The following AKAP13 variants were observed in gnomAD, a reference collection of about 807,000 sequenced individuals.
AKAP13 encodes A-kinase anchor protein 13.
In AKAP13, 80 loss-of-function variants were observed where a neutral mutation model predicts 264.5. That is an observed-to-expected ratio of 0.30 (90% CI 0.25 to 0.36). AKAP13 has a LOEUF of 0.36. Among genes scored for constraint, AKAP13 ranks in the 10% least tolerant of loss-of-function variants. The probability of loss-of-function intolerance (pLI) is 1.00; values close to 1 mark genes in which losing one functional copy is unlikely to be tolerated. For synonymous variants in AKAP13, 1,380 were observed against 1,250.2 expected, an observed-to-expected ratio of 1.10 and a Z score of -2.19; for missense variants, 3,712 against 3,435.2, an observed-to-expected ratio of 1.08 and a Z score of -2.01.
In AKAP13 at chr15:85,747,121, C is replaced by G. The variant is rs1026856202; in HGVS notation, c.*2444C>G. 1 of 152,204 alleles carries G rather than the reference C, an allele frequency of 6.6e-6. No individual in the cohort carries two copies. Among genetic ancestry groups the G allele is most frequent in the Admixed American group, 6.5e-5 (1 of 15,284 alleles). The allele number at this position is 152,204 out of a possible 1,614,324, so 9.4% of individuals were successfully genotyped here. On this transcript the variant is annotated 3_prime_UTR_variant, in exon 37 of 37. Transcript: ENST00000394518. ...GGTTCTGGTTGGACAAGTTTAAAAT[C>G]AAAGTAGTGCCCGGAATTCCCTCAA...
chr15:85,672,890 A>G (rs530218436), intron 14 of AKAP13, among the ~76,000 whole-genome samples: 5 of 152,322 alleles, frequency 3.3e-5, no homozygotes, highest in African/African-American at 1.2e-4. Flanking sequence ...AAGGTTAAAC[A>G]TTGCTCACCA....
chr15:85,698,943 CAAAAAAAA>C lies in AKAP13; in HGVS notation c.5464+5512_5464+5519del, dbSNP rs10715702. 8.6e-4 allele frequency among the ~76,000 whole-genome samples: 63 copies of C among 72,844 alleles called. 1 individual carries two copies. In the East Asian group the frequency reaches 0.023, roughly 27 times the overall value. The allele number at this position is 72,844 out of a possible 152,430, so 47.8% of individuals were successfully genotyped here. A position where few individuals can be genotyped will look rare whatever the true frequency, so the allele number is the denominator to read the frequency against. On this transcript the variant is annotated intron_variant, in intron 17 of 36. Coordinates refer to ENST00000394518, the MANE Select transcript of AKAP13 (RefSeq NM_007200.5). ...TGGGAAACAGAGCGAGACCTTGTCT[CAAAAAAAA>C]AAAAAAAAAAAAAAAAAAATTTACA... is the stretch of plus-strand genomic sequence containing the variant.
At chr15:85,418,246 T>C (rs1331786928) in intron 1 of AKAP13, among the ~76,000 whole-genome samples, 1 of 151,948 alleles carries the variant, frequency 6.6e-6, no homozygotes, top group Non-Finnish European at 1.5e-5. Flanking sequence ...TGTCTAATTA[T>C]TTTATATTTT....
At chr15:85,630,720 T>TA (rs944937592) in intron 8 of AKAP13, among the ~76,000 whole-genome samples, 26 of 151,878 alleles carry the variant, frequency 1.7e-4, no homozygotes, top group Admixed American at 1.3e-3. Context: ...ATTTTTCCAT[T>TA]AAAAAAAAGA....
At chr15:85,546,892 C>T (rs1315657414) in intron 5 of AKAP13, among the ~76,000 whole-genome samples, 6 of 152,032 alleles carry the variant, frequency 3.9e-5, no homozygotes, top group Non-Finnish European at 8.8e-5. Context: ...TACAGGCATG[C>T]GCCACCATGT....
Position 85,433,424 on chromosome 15 carries a change from C to T in AKAP13, c.-11-52286C>T, listed in dbSNP as rs1038522572. 3.3e-4 allele frequency among the ~76,000 whole-genome samples: 50 copies of T among 152,010 alleles called. 1 individual carries two copies. Among genetic ancestry groups the T allele is most frequent in the Non-Finnish European group, 4.4e-5 (3 of 68,004 alleles). On this transcript the variant is annotated intron_variant, in intron 1 of 36. Transcript: ENST00000394518. ...AGCACTTGTTTCTCCACGTCTTTGT[C>T]GGTAGTGGGCATTTTCGCTTTCCTA...
At chr15:85,527,087 C>T (rs973518815) in intron 3 of AKAP13, among the ~76,000 whole-genome samples, 20 of 151,954 alleles carry the variant, frequency 1.3e-4, no homozygotes, top group East Asian at 5.8e-4. Flanking sequence ...CCCGAGTTCC[C>T]GAGTAGCTGG....
intron 1 of AKAP13, among the ~76,000 whole-genome samples, chr15:85,407,031 G>A (rs2071699291): frequency 6.6e-6 from 1 of 151,690 alleles, no homozygotes; most frequent in Non-Finnish European, 1.5e-5. Context: ...TTTTATGCTA[G>A]TTACAAGTAG....
At chr15:85,631,968 C>A (rs774303445) in intron 8 of AKAP13, among the ~76,000 whole-genome samples, 4 of 151,666 alleles carry the variant, frequency 2.6e-5, no homozygotes, top group Non-Finnish European at 4.4e-5. Flanking sequence ...ACATATCCAC[C>A]CAATTGAAAA....
At chr15:85,476,375 C>T (rs888250051) in intron 1 of AKAP13, among the ~76,000 whole-genome samples, 2 of 152,114 alleles carry the variant, frequency 1.3e-5, no homozygotes, top group East Asian at 3.9e-4. Context: ...CTCACCATCA[C>T]CTTTTATTTA....
At chr15:85,687,010 A>G (rs958944115) in intron 16 of AKAP13, among the ~76,000 whole-genome samples, 1 of 152,166 alleles carries the variant, frequency 6.6e-6, no homozygotes, top group Non-Finnish European at 1.5e-5. Flanking sequence ...CTTTCTAGCC[A>G]TCTCCCCAAT....
intron 8 of AKAP13, chr15:85,619,819 T>G (rs1284910399): frequency 3.2e-6 from 4 of 1,245,464 alleles, no homozygotes; most frequent in Non-Finnish European, 4.0e-6. Context: ...AGGTGGTATT[T>G]ATTGTTTATA....
At chr15:85,730,273 A>T (rs1418121063) in intron 29 of AKAP13, among the ~76,000 whole-genome samples, 1 of 152,244 alleles carries the variant, frequency 6.6e-6, no homozygotes, top group African/African-American at 2.4e-5. Flanking sequence ...AGCAAAGTGC[A>T]GACTTGTTAT....
At chr15:85,465,700 G>A (rs1007694833) in intron 1 of AKAP13, among the ~76,000 whole-genome samples, 9 of 150,954 alleles carry the variant, frequency 6.0e-5, no homozygotes, top group African/African-American at 9.7e-5. Flanking sequence ...TTTTATGGCC[G>A]CATAGTATTC....
At chr15:85,474,340 TTCATGTTG>T (rs2075073029) in intron 1 of AKAP13, among the ~76,000 whole-genome samples, 1 of 152,250 alleles carries the variant, frequency 6.6e-6, no homozygotes, top group African/African-American at 2.4e-5. Context: ...AAAAATGCCA[TTCATGTTG>T]TCACAAGTTC....
rs1313146152 is a variant in AKAP13 at position 85,693,340 on chromosome 15, G to T, written c.5353G>T (p.Asp1785Tyr). Residue 1785 changes from aspartate (D) to tyrosine (Y), a missense_variant, in exon 17 of 37, where the codon GAT (aspartate) becomes TAT (tyrosine). Asp to Tyr is a radical substitution (Grantham distance 160, BLOSUM62 -3). This residue lies in a region of AKAP13 where 2,759 missense variants were observed against 2,411.7 expected (regional missense o/e 1.14). Coordinates refer to ENST00000394518, the MANE Select transcript of AKAP13 (RefSeq NM_007200.5). ...KEKDSKDKEK[D>Y]KKTVNGHTFS... The stretch of plus-strand genomic sequence containing the variant: ...GAAAGATTCTAAAGACAAGGAGAAA[G>T]ATAAGAAGACTGTCAACGGGCACAC... The T allele has an allele frequency of 6.2e-7, 1 of 1,613,562 alleles. No homozygotes were observed. The highest frequency in any genetic ancestry group is 1.1e-5 in the South Asian group (1 of 90,900).
intron 8 of AKAP13, among the ~76,000 whole-genome samples, chr15:85,631,106 A>G (rs1431324470): frequency 3.9e-5 from 6 of 152,200 alleles, no homozygotes; most frequent in Admixed American, 3.9e-4. Context: ...AAAAGAAGTA[A>G]AGTACTGTTA....
chr15:85,701,514 A>T (rs2085912005), intron 17 of AKAP13, among the ~76,000 whole-genome samples: 1 of 152,140 alleles, frequency 6.6e-6, no homozygotes, highest in African/African-American at 2.4e-5. Context: ...ATCTCGGCTC[A>T]CTGCAACCTC....
intron 1 of AKAP13, among the ~76,000 whole-genome samples, chr15:85,387,178 A>T (rs2070609391): frequency 1.3e-5 from 2 of 152,038 alleles, no homozygotes; most frequent in African/African-American, 2.4e-5. Context: ...CTACTAAAAA[A>T]TACAAAAAAT....
Sources: gnomAD v4.1 joint callset for allele counts (sites outside exome capture counted in the v4.1 genomes callset) on GRCh38, gnomAD v4.1.1 for gene constraint, gnomAD v4.1.1 regional missense constraint, MANE v1.5 for transcripts, NCBI Gene and HGNC (gene_info 2026-07-23, HGNC 2026-07-21) for gene names.